The following DCC variants were observed in gnomAD, a reference collection of about 807,000 sequenced individuals.
DCC encodes the protein netrin receptor DCC.
In DCC, 58 loss-of-function variants were observed where a neutral mutation model predicts 172.5. The ratio of observed to expected loss-of-function variants is 0.34; its 90% CI spans 0.27 to 0.42. The LOEUF is 0.42. Ranked by LOEUF, DCC falls within the 10% of genes least tolerant of loss-of-function variation. The pLI, the probability that DCC is intolerant of heterozygous loss-of-function variation, is 1.00. For missense variants in DCC, 1,740 were observed against 1,791.0 expected (o/e 0.97, Z 0.51); for synonymous variants, 709 against 644.5 (o/e 1.10, Z -1.52).
At chr18:53,021,367 C>T (rs1339547998) in intron 5 of DCC, among the ~76,000 whole-genome samples, 3 of 152,112 alleles carry the variant, frequency 2.0e-5, no homozygotes, top group Non-Finnish European at 2.9e-5. Context: ...TGAGTGAATA[C>T]TTGAGCAGAG....
At chr18:53,459,819 CA>C (rs1474568037) in intron 24 of DCC, among the ~76,000 whole-genome samples, 1 of 152,100 alleles carries the variant, frequency 6.6e-6, no homozygotes, top group Non-Finnish European at 1.5e-5. Flanking sequence ...GCCATCTGTA[CA>C]TTTTCCAGTT....
chr18:53,078,593 TA>T (rs543285791), intron 7 of DCC, among the ~76,000 whole-genome samples: 3 of 151,634 alleles, frequency 2.0e-5, no homozygotes, highest in Non-Finnish European at 2.9e-5. Flanking sequence ...CAATCTAGGT[TA>T]AAAAAAAGAG....
intron 5 of DCC, among the ~76,000 whole-genome samples, chr18:53,047,270 AT>A (rs1568267996): frequency 1.6e-4 from 2 of 12,354 alleles, no homozygotes; most frequent in Non-Finnish European, 3.1e-4. Context: ...ATATATATAT[AT>A]ATATATATAT....
intron 7 of DCC, among the ~76,000 whole-genome samples, chr18:53,073,057 A>T (rs1377562688): frequency 1.3e-5 from 2 of 152,192 alleles, no homozygotes; most frequent in Admixed American, 6.5e-5. Flanking sequence ...ATCTTCCTTC[A>T]TCTAAGATAT....
chr18:53,142,431 A>T, intron 7 of DCC, among the ~76,000 whole-genome samples: 1 of 152,136 alleles, frequency 6.6e-6, no homozygotes, highest in East Asian at 1.9e-4. Flanking sequence ...TCCTTTTTTT[A>T]AATAAGTTCT....
intron 7 of DCC, among the ~76,000 whole-genome samples, chr18:53,099,271 C>T (rs2043129190): frequency 1.3e-5 from 2 of 151,982 alleles, no homozygotes; most frequent in Admixed American, 6.6e-5. Flanking sequence ...TTCATGTGGA[C>T]TCATGATCTT....
intron 1 of DCC, among the ~76,000 whole-genome samples, chr18:52,466,529 G>C (rs534981539): frequency 2.2e-4 from 33 of 152,186 alleles, no homozygotes; most frequent in Middle Eastern, 6.8e-3. Context: ...AAGAATCATT[G>C]GTTCTAGTCT....
At chr18:52,781,368 G>A (rs1482140518) in intron 2 of DCC, among the ~76,000 whole-genome samples, 2 of 152,012 alleles carry the variant, frequency 1.3e-5, no homozygotes, top group African/African-American at 4.8e-5. Context: ...GGTACTTTGG[G>A]ATAGCATTCT....
intron 25 of DCC, among the ~76,000 whole-genome samples, chr18:53,479,537 G>A (rs1219528260): frequency 6.6e-6 from 1 of 152,154 alleles, no homozygotes; most frequent in African/African-American, 2.4e-5. Context: ...AAATCAGCAA[G>A]TCAGTAGAGT....
At chr18:53,438,190 A>G (rs868210220) in intron 22 of DCC, among the ~76,000 whole-genome samples, 20 of 151,972 alleles carry the variant, frequency 1.3e-4, no homozygotes, top group South Asian at 4.1e-4. Flanking sequence ...AATACTATCT[A>G]TACTGGTACG....
chr18:53,529,143 C>A (rs1006083190), intron 28 of DCC, among the ~76,000 whole-genome samples: 8 of 151,676 alleles, frequency 5.3e-5, no homozygotes, highest in Non-Finnish European at 8.8e-5. Flanking sequence ...CTCTATTAAG[C>A]CCTGAAGATT....
At chr18:53,229,351 A>G (rs2056087765) in intron 12 of DCC, among the ~76,000 whole-genome samples, 1 of 152,158 alleles carries the variant, frequency 6.6e-6, no homozygotes, top group Non-Finnish European at 1.5e-5. Flanking sequence ...GAATTTTGTG[A>G]GCCCTATGTT....
At chr18:52,989,705 AG>A in intron 5 of DCC, among the ~76,000 whole-genome samples, 2 of 152,292 alleles carry the variant, frequency 1.3e-5, no homozygotes, top group Middle Eastern at 3.4e-3. Flanking sequence ...TTCCCTGGCA[AG>A]TCAGGTTTCT....
chr18:52,678,926 T>C (rs2035693534), intron 1 of DCC, among the ~76,000 whole-genome samples: 2 of 152,046 alleles, frequency 1.3e-5, no homozygotes, highest in Non-Finnish European at 2.9e-5. Flanking sequence ...CACATACTCC[T>C]CTTCATTTCC....
At chr18:52,923,035 T>A (rs2040148362) in intron 3 of DCC, among the ~76,000 whole-genome samples, 1 of 152,104 alleles carries the variant, frequency 6.6e-6, no homozygotes, top group South Asian at 2.1e-4. Context: ...TCAGATGAAG[T>A]AGAAGGATGC....
At chr18:53,000,585 CTTTTTTTTT>C (rs71175543) in intron 5 of DCC, among the ~76,000 whole-genome samples, 4 of 99,014 alleles carry the variant, frequency 4.0e-5, no homozygotes, top group Admixed American at 3.4e-4. Context: ...AGCTTACATT[CTTTTTTTTT>C]TTTTTTTTTT....
At chr18:53,502,944 T>C (rs2144479116) in intron 27 of DCC, among the ~76,000 whole-genome samples, 1 of 152,214 alleles carries the variant, frequency 6.6e-6, no homozygotes, top group African/African-American at 2.4e-5. Flanking sequence ...GCTGCACCTA[T>C]CAACCCATCA....
At chr18:53,115,513 A>C (rs2043396471) in intron 7 of DCC, among the ~76,000 whole-genome samples, 1 of 151,544 alleles carries the variant, frequency 6.6e-6, no homozygotes, top group Admixed American at 6.6e-5. Context: ...ATCCCATTTC[A>C]AAACTGGACC....
At chr18:52,612,990 A>AT (rs1323142694) in intron 1 of DCC, among the ~76,000 whole-genome samples, 1 of 152,162 alleles carries the variant, frequency 6.6e-6, no homozygotes, top group Non-Finnish European at 1.5e-5. Context: ...AAATAAGTCT[A>AT]TATCTGTCAG....
Sources: gnomAD v4.1 joint callset for allele counts (sites outside exome capture counted in the v4.1 genomes callset) on GRCh38, gnomAD v4.1.1 for gene constraint, MANE v1.5 for transcripts, NCBI Gene and HGNC (gene_info 2026-07-23, HGNC 2026-07-21) for gene names.